FRMD3: variants seen among roughly 807,000 people sequenced by gnomAD.
The protein encoded by FRMD3 is FERM domain-containing protein 3.
In FRMD3, 33 loss-of-function variants were observed where a neutral mutation model predicts 70.2. The ratio of observed to expected loss-of-function variants is 0.47; its 90% CI spans 0.36 to 0.63. The LOEUF is 0.63. Ranked by LOEUF, FRMD3 falls within the 20% of genes least tolerant of loss-of-function variation. The pLI is 0.00. For synonymous variants in FRMD3, 279 were observed against 255.9 expected (o/e 1.09, Z -0.86); for missense variants, 632 against 711.4 (o/e 0.89, Z 1.27).
intron 4 of FRMD3, 140 bp from the exon 5 acceptor site, chr9:83,343,427 A>C (rs1463438346): frequency 3.2e-6 from 2 of 623,194 alleles, no homozygotes; most frequent in Non-Finnish European, 5.8e-6. Context: ...AGCCCTTTGT[A>C]GAACAAGCAG....
chr9:83,250,700 G>T (rs1020580203), intron 13 of FRMD3, among the ~76,000 whole-genome samples: 1 of 152,220 alleles, frequency 6.6e-6, no homozygotes, highest in Non-Finnish European at 1.5e-5. Context: ...TAGACCAGAA[G>T]AGGAAGGGTA....
chr9:83,279,360 C>A (rs1357112656), intron 13 of FRMD3: 1 of 152,150 alleles, frequency 6.6e-6, no homozygotes, highest in African/African-American at 2.4e-5. Flanking sequence ...AAGTTAAACC[C>A]TGATTTTAAA....
chr9:83,244,435 T>G (rs549273195), downstream of FRMD3, among the ~76,000 whole-genome samples: 6 of 152,320 alleles, frequency 3.9e-5, no homozygotes, highest in Non-Finnish European at 7.4e-5. Context: ...AGTGCTAGTA[T>G]TCCTGCTTTG....
chr9:83,440,444 G>A (rs1197163057), intron 1 of FRMD3, among the ~76,000 whole-genome samples: 1 of 152,166 alleles, frequency 6.6e-6, no homozygotes, highest in Non-Finnish European at 1.5e-5. Flanking sequence ...GCTCTGGACT[G>A]TCCATATCAT....
intron 10 of FRMD3, among the ~76,000 whole-genome samples, chr9:83,303,270 T>C (rs1392368918): frequency 6.6e-6 from 1 of 152,154 alleles, no homozygotes; most frequent in South Asian, 2.1e-4. Context: ...TCCTCACGGC[T>C]CTCTACCAGG....
At chr9:83,331,314 T>G (rs866298669) in intron 6 of FRMD3, among the ~76,000 whole-genome samples, 1 of 152,184 alleles carries the variant, frequency 6.6e-6, no homozygotes, top group Non-Finnish European at 1.5e-5. Flanking sequence ...GGAGGAAACT[T>G]AAATGCATAT....
intron 1 of FRMD3, among the ~76,000 whole-genome samples, chr9:83,463,509 T>C (rs1274719999): frequency 6.6e-6 from 1 of 152,100 alleles, no homozygotes; most frequent in African/African-American, 2.4e-5. Context: ...TCACGAGAAC[T>C]CACTCACTAT....
At chr9:83,490,302 T>C (rs1454896716) in intron 1 of FRMD3, among the ~76,000 whole-genome samples, 1 of 151,970 alleles carries the variant, frequency 6.6e-6, no homozygotes, top group East Asian at 1.9e-4. Flanking sequence ...AAATTTTTTA[T>C]TTTTGGGGAC....
chr9:83,457,280 C>G (rs930467295), intron 1 of FRMD3, among the ~76,000 whole-genome samples: 1 of 152,186 alleles, frequency 6.6e-6, no homozygotes, highest in African/African-American at 2.4e-5. Context: ...TCAGAAATAT[C>G]AACACTATAG....
At chr9:83,333,522 T>A (rs558928211) in intron 6 of FRMD3, among the ~76,000 whole-genome samples, 1 of 152,348 alleles carries the variant, frequency 6.6e-6, no homozygotes, top group Middle Eastern at 3.4e-3. Flanking sequence ...TCTTCTGTGA[T>A]TCACTCATTT....
At chr9:83,298,878 C>T (rs1055616433) in intron 11 of FRMD3, 62 bp from the exon 12 acceptor site, 109 of 1,474,320 alleles carry the variant, frequency 7.4e-5, no homozygotes, top group Non-Finnish European at 9.9e-5. Context: ...GAGGGATATG[C>T]ACAAGTGTCC....
At chr9:83,514,750 A>C (rs2131535827) in intron 1 of FRMD3, among the ~76,000 whole-genome samples, 1 of 152,314 alleles carries the variant, frequency 6.6e-6, no homozygotes, top group South Asian at 2.1e-4. Context: ...TCTAAGACAA[A>C]GCTTCCAGAG....
At chr9:83,361,886 G>A (rs916587556) in intron 3 of FRMD3, among the ~76,000 whole-genome samples, 3 of 152,154 alleles carry the variant, frequency 2.0e-5, no homozygotes, top group African/African-American at 7.2e-5. Context: ...CAGGAAACCA[G>A]CAGAAGCCAG....
At chr9:83,482,411 T>G (rs1252149977) in intron 1 of FRMD3, among the ~76,000 whole-genome samples, 2 of 152,188 alleles carry the variant, frequency 1.3e-5, no homozygotes, top group Non-Finnish European at 2.9e-5. Context: ...GAGAGGGCTG[T>G]TAGGATATTC....
chr9:83,369,047 G>A (rs1824883042), intron 3 of FRMD3, among the ~76,000 whole-genome samples: 1 of 151,868 alleles, frequency 6.6e-6, no homozygotes, highest in Non-Finnish European at 1.5e-5. Context: ...TAGAGACAGG[G>A]TTTCACCATG....
intron 1 of FRMD3, among the ~76,000 whole-genome samples, chr9:83,463,493 C>A (rs1828034341): frequency 6.6e-6 from 1 of 152,120 alleles, no homozygotes; most frequent in Admixed American, 6.5e-5. Context: ...ACAAAGCCAT[C>A]AGATCTCACG....
chr9:83,342,741 T>A (rs13298900), intron 5 of FRMD3, among the ~76,000 whole-genome samples: 46 of 150,122 alleles, frequency 3.1e-4, no homozygotes, highest in African/African-American at 1.0e-3. Context: ...GATAGTTAGA[T>A]AGACACAAAA....
chr9:83,577,358 GAC>G, the FRMD3 span, among the ~76,000 whole-genome samples: 1 of 152,010 alleles, frequency 6.6e-6, no homozygotes, highest in East Asian at 1.9e-4. Context: ...CATAAGAATA[GAC>G]ATGTAGATCC....
intron 13 of FRMD3, among the ~76,000 whole-genome samples, chr9:83,282,214 AT>A (rs1165049605): frequency 1.3e-5 from 2 of 152,222 alleles, no homozygotes; most frequent in African/African-American, 2.4e-5. Context: ...TATGTGCTAG[AT>A]CAGAGGCCAG....
Sources: gnomAD v4.1 joint callset for allele counts (sites outside exome capture counted in the v4.1 genomes callset) on GRCh38, gnomAD v4.1.1 for gene constraint, MANE v1.5 for transcripts, NCBI Gene and HGNC (gene_info 2026-07-23, HGNC 2026-07-21) for gene names.